Variants in ADD2 observed in about 807,000 individuals in gnomAD.
ADD2 encodes beta-adducin.
In ADD2, 23 loss-of-function variants were observed where a neutral mutation model predicts 83.0. That is an observed-to-expected ratio of 0.28 (90% CI 0.20 to 0.39). ADD2 has a LOEUF of 0.39. Among genes scored for constraint, ADD2 ranks in the 10% least tolerant of loss-of-function variants. The probability of loss-of-function intolerance (pLI) is 1.00; values close to 1 mark genes in which losing one functional copy is unlikely to be tolerated. For missense variants in ADD2, 758 were observed against 944.9 expected (o/e 0.80, Z 2.59); for synonymous variants, 375 against 375.4 (o/e 1.00, Z 0.01).
intron 1 of ADD2, among the ~76,000 whole-genome samples, chr2:70,727,381 G>A (rs1473068801): frequency 7.9e-5 from 12 of 151,796 alleles, no homozygotes; most frequent in Non-Finnish European, 2.9e-5. Context: ...ATTCCCCAAC[G>A]CCTAATTGCC....
intron 15 of ADD2, among the ~76,000 whole-genome samples, chr2:70,668,613 C>T (rs146086171): frequency 2.0e-5 from 3 of 152,234 alleles, no homozygotes; most frequent in African/African-American, 4.8e-5. Context: ...CTGCTGCTGA[C>T]GTCTGCCAAG....
chr2:70,735,387 A>G (rs1410581813), intron 1 of ADD2, among the ~76,000 whole-genome samples: 1 of 152,200 alleles, frequency 6.6e-6, no homozygotes, highest in African/African-American at 2.4e-5. Flanking sequence ...TGGGGGGCAC[A>G]GTTCGCACAA....
chr2:70,676,585 A>T lies in ADD2; in HGVS notation c.1593+211T>A. 7.0e-7 allele frequency: 1 copy of T among 1,426,634 alleles called. No homozygotes were observed. The highest frequency in any genetic ancestry group is 9.2e-7 in the Non-Finnish European group (1 of 1,085,332). 88.4% of individuals were successfully genotyped at this position (1,426,634 alleles called of 1,614,324 possible). On this transcript the variant is annotated intron_variant, in intron 13 of 15. Coordinates refer to ENST00000264436, the MANE Select transcript of ADD2 (RefSeq NM_001617.4). This position sits in a 1 kb window ranked among gnomAD's most constrained non-coding sequence, Gnocchi z 4.8. ...AGGCTGGGCTGCTGTTCTCCAGCCCAGTGCCCACAGGGGCCATCAGACATT... is the reference window on the plus strand; with the variant it reads ...AGGCTGGGCTGCTGTTCTCCAGCCCTGTGCCCACAGGGGCCATCAGACATT...
At position 70,707,737 on chromosome 2, in the gene ADD2, T is replaced by C. The variant is rs140307614; in HGVS notation, c.-34-1295A>G. Among the ~76,000 whole-genome samples the C allele has an allele frequency of 2.6e-5, 4 of 152,326 alleles. No homozygotes were observed. In the East Asian group the frequency reaches 5.8e-4, roughly 22 times the overall value. ...ACAATAATTAGCTTTTTAACATATATGTGAAGATACAAATAAAAGAGCATT... is the reference window on the plus strand; with the variant it reads ...ACAATAATTAGCTTTTTAACATATACGTGAAGATACAAATAAAAGAGCATT... On this transcript the variant is annotated intron_variant, in intron 2 of 15. Transcript: ENST00000264436.
chr2:70,744,563 C>T (rs1161762141), intron 1 of ADD2, among the ~76,000 whole-genome samples: 1 of 152,124 alleles, frequency 6.6e-6, no homozygotes, highest in African/African-American at 2.4e-5. Flanking sequence ...AGCTAGACAG[C>T]ATTTGATGAG....
In ADD2 at chr2:70,672,971, G is replaced by A; in HGVS notation, c.1777C>T (p.Pro593Ser). Residue 593 changes from proline to serine, a missense_variant, in exon 15 of 16, where the codon CCT becomes TCT. Transcript: ENST00000264436. Reference protein sequence around the residue: ...KETAPEEPGSPAKSAPASPVQ... With the variant: ...KETAPEEPGSSAKSAPASPVQ... Reference sequence around the variant, plus strand: ...GGAGAAGCAGGTGCAGACTTTGCAGGTGAGCCAGGCTCTTCTGGGGCAGTT... The same window carrying A: ...GGAGAAGCAGGTGCAGACTTTGCAGATGAGCCAGGCTCTTCTGGGGCAGTT... 4 of 1,613,920 alleles carry A rather than the reference G, an allele frequency of 2.5e-6. No homozygotes were observed. The highest frequency in any genetic ancestry group is 3.4e-6 in the Non-Finnish European group (4 of 1,179,986).
intron 1 of ADD2, among the ~76,000 whole-genome samples, chr2:70,742,161 T>TTTCCTTGACGTCAGAATAAAGC (rs1222662379): frequency 6.6e-6 from 1 of 152,248 alleles, no homozygotes; most frequent in Admixed American, 6.5e-5. Context: ...TAATTCTTCT[T>TTTCCTTGACGTCAGAATAAAGC]TTCCTTGACG....
rs1181139860 is a variant in ADD2 at position 70,767,721 on chromosome 2, C to A, written c.-154+165G>T. On this transcript the variant is annotated intron_variant, in intron 1 of 15. Transcript: ENST00000264436. Reference sequence around the variant, plus strand: ...CATCATCACCAGAAACCTTTAGGCGCAAAACACACCGCTGCCGGCCAGGGC... The same window carrying A: ...CATCATCACCAGAAACCTTTAGGCGAAAAACACACCGCTGCCGGCCAGGGC... 5 of 1,429,584 alleles carry A rather than the reference C, an allele frequency of 3.5e-6. No homozygotes were observed. The African/African-American group carries it at 5.8e-5, about 17-fold the overall frequency. 88.6% of individuals were successfully genotyped at this position (1,429,584 alleles called of 1,614,324 possible).
At chr2:70,731,973 C>T (rs983830032) in intron 1 of ADD2, among the ~76,000 whole-genome samples, 1 of 152,202 alleles carries the variant, frequency 6.6e-6, no homozygotes, top group South Asian at 2.1e-4. Context: ...GGGGTGCCTT[C>T]CACCTTTCAT....
At chr2:70,675,670 G>A in intron 13 of ADD2, 1 of 985,478 alleles carries the variant, frequency 1.0e-6, no homozygotes, top group African/African-American at 1.7e-5. Context: ...AGGTGAGCCT[G>A]GAGGCTGCCA....
chr2:70,667,093 G>GC (rs1675832841), intron 15 of ADD2, among the ~76,000 whole-genome samples: 1 of 152,160 alleles, frequency 6.6e-6, no homozygotes, highest in Admixed American at 6.5e-5. Context: ...GCTGGGAGAG[G>GC]CCCCAGGAAC....
At chr2:70,687,535 G>A (rs377739155) in intron 9 of ADD2, among the ~76,000 whole-genome samples, 9 of 151,958 alleles carry the variant, frequency 5.9e-5, no homozygotes, top group South Asian at 2.1e-4. Context: ...TCTGCTTTCC[G>A]CTTCTTTTTC....
At chr2:70,714,601 A>G (rs1672369757) in intron 1 of ADD2, among the ~76,000 whole-genome samples, 1 of 152,202 alleles carries the variant, frequency 6.6e-6, no homozygotes, top group Non-Finnish European at 1.5e-5. Context: ...TGTGCTCTGC[A>G]CATCCAGTGC....
Position 70,742,895 on chromosome 2 carries a change from G to A in ADD2, c.-154+24991C>T, listed in dbSNP as rs11888084. 5.9e-3 allele frequency among the ~76,000 whole-genome samples: 896 copies of A among 152,230 alleles called. 8 individuals are homozygous for A. Among genetic ancestry groups the A allele is most frequent in the African/African-American group, 0.02 (841 of 41,538 alleles). On this transcript the variant is annotated intron_variant, in intron 1 of 15. Transcript: ENST00000264436. The stretch of plus-strand genomic sequence containing the variant: ...TTTTTTTAAGTTATGTGATATTTAA[G>A]TTTGTCAATGTATGTTTAACTTTGC...
intron 1 of ADD2, among the ~76,000 whole-genome samples, chr2:70,747,855 A>G (rs1674307938): frequency 6.6e-6 from 1 of 152,232 alleles, no homozygotes; most frequent in South Asian, 2.1e-4. Context: ...TTTGCACTCA[A>G]TGGGATTAAA....
chr2:70,743,812 C>G (rs1674045408), intron 1 of ADD2, among the ~76,000 whole-genome samples: 2 of 151,694 alleles, frequency 1.3e-5, no homozygotes, highest in Admixed American at 1.3e-4. Context: ...TCAGAGCATA[C>G]AGAGCATGAG....
At chr2:70,688,194 T>C (rs1366873483) in intron 8 of ADD2, 72 bp from the exon 9 acceptor site, 5 of 1,266,584 alleles carry the variant, frequency 3.9e-6, no homozygotes, top group Admixed American at 1.9e-5. Flanking sequence ...AGGTTTTCCA[T>C]TTTATTTAGA....
chr2:70,727,937 T>C (rs1553378611), intron 1 of ADD2, among the ~76,000 whole-genome samples: 1 of 142,562 alleles, frequency 7.0e-6, no homozygotes. Context: ...ATAAATAAAA[T>C]GCAGAATTGC....
At chr2:70,694,510 C>T (rs1366556963) in intron 6 of ADD2, among the ~76,000 whole-genome samples, 1 of 152,184 alleles carries the variant, frequency 6.6e-6, no homozygotes, top group African/African-American at 2.4e-5. Flanking sequence ...CCCAAGGTCA[C>T]CTCCAGATAC....
Sources: gnomAD v4.1 joint callset for allele counts (sites outside exome capture counted in the v4.1 genomes callset) on GRCh38, gnomAD v4.1.1 for gene constraint, Gnocchi (gnomAD v3.1) non-coding constraint, MANE v1.5 for transcripts, NCBI Gene and HGNC (gene_info 2026-07-23, HGNC 2026-07-21) for gene names.